SON: variants seen among roughly 807,000 people sequenced by gnomAD.
SON encodes the protein protein SON.
A neutral mutation model predicts 173.3 loss-of-function variants in SON; 4 were observed. That is an observed-to-expected ratio of 0.02 (90% confidence interval 0.01 to 0.05). The LOEUF is 0.05. Among genes scored for constraint, SON ranks in the 10% least tolerant of loss-of-function variants. The pLI is 1.00. For synonymous variants in SON, 1,190 were observed against 1,105.9 expected (o/e 1.08, Z -1.51); for missense variants, 2,626 against 3,055.3 (o/e 0.86, Z 3.31).
chr21:33,548,251 A>G (rs1018052940), intron 2 of SON, among the ~76,000 whole-genome samples: 3 of 151,786 alleles, frequency 2.0e-5, no homozygotes, highest in African/African-American at 7.3e-5. Context: ...GAAACATTTG[A>G]AAAGTTATTT....
intron 9 of SON, 138 bp downstream of exon 9, chr21:33,573,593 CTTTT>C: frequency 4.4e-6 from 3 of 681,738 alleles, no homozygotes; most frequent in Non-Finnish European, 6.9e-6. Context: ...ACATTAACCC[CTTTT>C]GGGGTTCACA....
At chr21:33,567,939 T>C (rs1601291214) in intron 7 of SON, among the ~76,000 whole-genome samples, 1 of 151,896 alleles carries the variant, frequency 6.6e-6, no homozygotes, top group African/African-American at 2.4e-5. Context: ...TTAAGTGATA[T>C]CCATAGTCAC....
intron 7 of SON, among the ~76,000 whole-genome samples, chr21:33,567,627 G>A (rs1430083642): frequency 6.6e-6 from 1 of 152,118 alleles, no homozygotes; most frequent in African/African-American, 2.4e-5. Flanking sequence ...TGAAGTAAAG[G>A]GTGGTTAAGG....
chr21:33,564,608 C>T (rs2086130194), intron 6 of SON, among the ~76,000 whole-genome samples: 1 of 152,096 alleles, frequency 6.6e-6, no homozygotes, highest in Non-Finnish European at 1.5e-5. Context: ...CGCCTGTAAT[C>T]CCAGAAATTT....
chr21:33,557,106 A>G (rs1266760003), intron 3 of SON, 50 bp from the exon 4 acceptor site: 1 of 1,556,492 alleles, frequency 6.4e-7, no homozygotes, highest in African/African-American at 1.4e-5. Flanking sequence ...TGGTAATACA[A>G]AATGTACAGT....
At chr21:33,547,908 A>G (rs901059982) in intron 2 of SON, among the ~76,000 whole-genome samples, 4 of 149,156 alleles carry the variant, frequency 2.7e-5, no homozygotes, top group African/African-American at 9.8e-5. Flanking sequence ...TTTTTTTAGT[A>G]GAGACGGGGT....
chr21:33,566,809 C>G (rs1000853266), intron 6 of SON, among the ~76,000 whole-genome samples: 2 of 152,054 alleles, frequency 1.3e-5, no homozygotes, highest in Non-Finnish European at 2.9e-5. Context: ...AAAAAATTTG[C>G]AGTTTACTAT....
chr21:33,560,758 C>T (rs1000638811), intron 6 of SON: 7 of 314,512 alleles, frequency 2.2e-5, no homozygotes, highest in South Asian at 1.3e-4. Flanking sequence ...TAGTTGTCAT[C>T]GCCTCTTGCC....
At position 33,554,029 on chromosome 21, in the gene SON, G is replaced by T. The variant is rs1236683198; in HGVS notation, c.4798G>T (p.Ala1600Ser). 2 of 1,613,964 alleles carry T rather than the reference G, an allele frequency of 1.2e-6. No individual in the cohort carries two copies. The highest frequency in any genetic ancestry group is 2.7e-5 in the African/African-American group (2 of 74,898). ...AACTCTATCTTCTACTGGTCCTTTT[G>T]CTCTGGAACCTGATGCAACAGGAAC... ...GETLSSTGPF[A>S]LEPDATGTSK... is the part of the protein sequence containing the mutation. Residue 1600 changes from alanine to serine, a missense_variant, in exon 3 of 12, where the codon GCT becomes TCT. This residue lies in a region of SON where 1,006 missense variants were observed against 895.6 expected (regional missense o/e 1.12). Transcript: ENST00000356577.
Position 33,553,234 on chromosome 21 carries a change from A to G in SON, c.4003A>G (p.Thr1335Ala), listed in dbSNP as rs1422631516. Residue 1335 changes from threonine (T) to alanine (A), a missense_variant, in exon 3 of 12, where the codon ACT (threonine) becomes GCT (alanine). Around this residue, in one of 13 missense-constraint regions of SON, gnomAD observed 1,006 missense variants for 895.6 expected, o/e 1.12. Coordinates refer to ENST00000356577, the MANE Select transcript of SON (RefSeq NM_138927.4). ...TACATCCTTGTTGGTTCCAGCAGTA[A>G]CTACTCCAGTGCTGGCAGAGAGCAT... ...VSTSLLVPAVTTPVLAESILE... is the reference protein window; with the variant it reads ...VSTSLLVPAVATPVLAESILE... 1 of 1,614,176 alleles carries G rather than the reference A, an allele frequency of 6.2e-7. No individual in the cohort carries two copies. The highest frequency in any genetic ancestry group is 8.5e-7 in the Non-Finnish European group (1 of 1,180,038).
At position 33,555,077 on chromosome 21, in the gene SON, T is replaced by G; in HGVS notation, c.5846T>G (p.Phe1949Cys). The G allele has an allele frequency of 6.2e-7, 1 of 1,604,314 alleles. No homozygotes were observed. Among genetic ancestry groups the G allele is most frequent in the Admixed American group, 1.7e-5 (1 of 59,216 alleles). ...RSRSVGRRRS[F>C]SISPSRRSRT... The stretch of plus-strand genomic sequence containing the variant: ...AGATCTGTGGGTAGAAGAAGGAGCT[T>G]TAGCATTTCCCCAAGCCGCCGCAGC... Residue 1949 changes from phenylalanine to cysteine, a missense_variant, in exon 3 of 12, where the codon TTT (phenylalanine) becomes TGT (cysteine). This residue lies in a region of SON where 138 missense variants were observed against 222.9 expected (regional missense o/e 0.62). Coordinates refer to ENST00000356577, the MANE Select transcript of SON (RefSeq NM_138927.4).
At chr21:33,557,760 A>G in intron 4 of SON, 1 of 1,376,164 alleles carries the variant, frequency 7.3e-7, no homozygotes, top group Non-Finnish European at 9.5e-7. Flanking sequence ...ATAGCTGGCC[A>G]TTGCCTGAAA....
In SON at chr21:33,552,977, C is replaced by T. The variant is rs767171313; in HGVS notation, c.3746C>T (p.Pro1249Leu). The change falls in exon 3 of 12, where the codon CCA becomes CTA. Residue 1249 changes from proline to leucine, a missense_variant. Physicochemically the swap from Pro to Leu is moderately conservative, Grantham distance 98. Transcript: ENST00000356577. This position sits in a 1 kb window ranked among gnomAD's most constrained non-coding sequence, Gnocchi z 5.6. ...GTATCAGAGGCTGCTGTGACTGTTC[C>T]AGAACCACCACCAGAGCCAGAATCT... ...VLVSEAAVTVPEPPPEPESSI... is the reference protein window; with the variant it reads ...VLVSEAAVTVLEPPPEPESSI... 2 of 1,614,060 alleles carry T rather than the reference C, an allele frequency of 1.2e-6. No individual in the cohort carries two copies. The highest frequency in any genetic ancestry group is 1.7e-6 in the Non-Finnish European group (2 of 1,180,044).
rs1360435983 is a variant in SON, at chr21:33,576,641, G to A, written c.*217G>A. On this transcript the variant is annotated 3_prime_UTR_variant, in exon 12 of 12. Coordinates refer to ENST00000356577, the MANE Select transcript of SON (RefSeq NM_138927.4). ...CATCACAATGTATTTCCTCTTTAATGTTGTAAATATTTGGCAATTTAAGAC... is the reference window on the plus strand; with the variant it reads ...CATCACAATGTATTTCCTCTTTAATATTGTAAATATTTGGCAATTTAAGAC... 4.6e-6 allele frequency: 3 copies of A among 655,280 alleles called. No homozygotes were observed. Among genetic ancestry groups the A allele is most frequent in the African/African-American group, 3.6e-5 (2 of 55,100 alleles). 40.6% of individuals were successfully genotyped at this position (655,280 alleles called of 1,614,324 possible). A position where few individuals can be genotyped will look rare whatever the true frequency, so the allele number is the denominator to read the frequency against.
chr21:33,555,876 G>T (rs2085956411), intron 3 of SON, among the ~76,000 whole-genome samples: 1 of 152,208 alleles, frequency 6.6e-6, no homozygotes. Context: ...GGTAATGGAA[G>T]TGAGTGGGGA....
chr21:33,555,484 C>T, intron 3 of SON, 93 bp downstream of exon 3: 3 of 1,186,358 alleles, frequency 2.5e-6, no homozygotes, highest in Non-Finnish European at 3.4e-6. Context: ...TACTTAGTTA[C>T]TGGTTTAGGA....
At chr21:33,563,864 T>C (rs1031699691) in intron 6 of SON, among the ~76,000 whole-genome samples, 8 of 152,328 alleles carry the variant, frequency 5.3e-5, no homozygotes, top group African/African-American at 1.9e-4. Flanking sequence ...GTCTGCTTTC[T>C]TGCTGAGGGA....
chr21:33,574,641 T>C (rs1405659631), intron 9 of SON, among the ~76,000 whole-genome samples: 1 of 152,232 alleles, frequency 6.6e-6, no homozygotes, highest in African/African-American at 2.4e-5. Flanking sequence ...TTTCAGCCTC[T>C]TCAGATTTGG....
chr21:33,549,867 A>C lies in SON; in HGVS notation c.636A>C (p.Ala212=), dbSNP rs79746820. Residue 212 remains alanine, a synonymous_variant, in exon 3 of 12, where the codon GCA becomes GCC. Transcript: ENST00000356577. ...CTCTGAAGCCAGCTACAAAAACTGC[A>C]GAACTGTCAGTTGTATCTACATCAG... is the stretch of plus-strand genomic sequence containing the variant. The part of the protein sequence containing the change: ...LETLKPATKT[A]ELSVVSTSVI... 2 of 1,614,138 alleles carry C rather than the reference A, an allele frequency of 1.2e-6. No individual in the cohort carries two copies. Among genetic ancestry groups the C allele is most frequent in the Non-Finnish European group, 1.7e-6 (2 of 1,180,046 alleles).
Sources: gnomAD v4.1 joint callset for allele counts (sites outside exome capture counted in the v4.1 genomes callset) on GRCh38, gnomAD v4.1.1 for gene constraint, gnomAD v4.1.1 regional missense constraint, Gnocchi (gnomAD v3.1) non-coding constraint, MANE v1.5 for transcripts, NCBI Gene and HGNC (gene_info 2026-07-23, HGNC 2026-07-21) for gene names.